The following GAP43 variants were observed in gnomAD, a reference collection of about 807,000 sequenced individuals.
GAP43 encodes the protein growth associated protein 43.
Under a neutral mutation model 18.6 loss-of-function variants are expected in GAP43, and 6 were observed. The observed-to-expected ratio is 0.32, with a 90% CI of 0.18 to 0.64. The LOEUF (loss-of-function observed/expected upper bound fraction) is 0.64. GAP43 is among the 30% of genes least tolerant of loss of function. The pLI, the probability that GAP43 is intolerant of heterozygous loss-of-function variation, is 0.78. For missense variants in GAP43, 292 were observed against 295.5 expected (o/e 0.99, Z 0.09); for synonymous variants, 115 against 111.4 (o/e 1.03, Z -0.20).
chr3:115,690,159 A>AT (rs1214849786), intron 2 of GAP43, among the ~76,000 whole-genome samples: 1 of 152,088 alleles, frequency 6.6e-6, no homozygotes, highest in African/African-American at 2.4e-5. Flanking sequence ...TGACAAATGG[A>AT]TTTTCTGTCT....
intron 2 of GAP43, among the ~76,000 whole-genome samples, chr3:115,702,564 T>C (rs1709309355): frequency 6.6e-6 from 1 of 152,186 alleles, no homozygotes; most frequent in Non-Finnish European, 1.5e-5. Context: ...GAGATGATTT[T>C]ACTTAATCTG....
chr3:115,701,279 C>T (rs1709294224), intron 2 of GAP43, among the ~76,000 whole-genome samples: 1 of 152,082 alleles, frequency 6.6e-6, no homozygotes, highest in South Asian at 2.1e-4. Flanking sequence ...GTTTGGTGTA[C>T]TGTCATATAT....
At position 115,667,199 on chromosome 3, in the gene GAP43, G is replaced by T. The variant is rs373079310; in HGVS notation, c.31-8814G>T. 3.7e-4 allele frequency among the ~76,000 whole-genome samples: 57 copies of T among 152,260 alleles called. No individual in the cohort carries two copies. The South Asian group carries it at 4.1e-3, about 11-fold the overall frequency. On this transcript the variant is annotated intron_variant, in intron 1 of 2. Transcript: ENST00000305124. ...AAGCTTAGAAGATTGTAAAAAAACAGATAAAGTTCTGTTCTCAGATTGTTT... is the reference window on the plus strand; with the variant it reads ...AAGCTTAGAAGATTGTAAAAAAACATATAAAGTTCTGTTCTCAGATTGTTT...
At chr3:115,643,831 T>C (rs1165638664) in intron 1 of GAP43, among the ~76,000 whole-genome samples, 2 of 152,092 alleles carry the variant, frequency 1.3e-5, no homozygotes, top group African/African-American at 4.8e-5. Flanking sequence ...GTTACTCTTT[T>C]GGTGACTTAT....
intron 2 of GAP43, among the ~76,000 whole-genome samples, chr3:115,706,064 T>A (rs987426130): frequency 6.6e-6 from 1 of 152,140 alleles, no homozygotes; most frequent in Non-Finnish European, 1.5e-5. Context: ...AACGAGAGTG[T>A]TTTGCATAAG....
intron 2 of GAP43, among the ~76,000 whole-genome samples, chr3:115,707,979 A>G (rs930549495): frequency 1.3e-5 from 2 of 149,586 alleles, no homozygotes. Flanking sequence ...TTCAAGATAT[A>G]TATATCGGGA....
At chr3:115,688,512 T>C (rs1009896128) in intron 2 of GAP43, among the ~76,000 whole-genome samples, 2 of 152,190 alleles carry the variant, frequency 1.3e-5, no homozygotes, top group Admixed American at 1.3e-4. Context: ...TTCTAGAAGG[T>C]TAAAGGCCGA....
chr3:115,662,051 C>G (rs570874835), intron 1 of GAP43, among the ~76,000 whole-genome samples: 1 of 152,052 alleles, frequency 6.6e-6, no homozygotes, highest in African/African-American at 2.4e-5. Flanking sequence ...TCGATTTTAG[C>G]TTACTGTGAT....
Position 115,720,952 on chromosome 3 carries a change from C to G in GAP43, c.*70C>G. 9.7e-7 allele frequency: 1 copy of G among 1,030,174 alleles called. No individual in the cohort carries two copies. The highest frequency in any genetic ancestry group is 1.5e-6 in the Non-Finnish European group (1 of 672,876). The allele number at this position is 1,030,174 out of a possible 1,614,324, so 63.8% of individuals were successfully genotyped here. On this transcript the variant is annotated 3_prime_UTR_variant, in exon 3 of 3. Coordinates refer to ENST00000305124, the MANE Select transcript of GAP43 (RefSeq NM_002045.4). Reference sequence around the variant, plus strand: ...AGCCTGTCTCTCCCTACCCTCTTCTCAGCTCCACTCTGAAGTCCCTTCCTG... The same window carrying G: ...AGCCTGTCTCTCCCTACCCTCTTCTGAGCTCCACTCTGAAGTCCCTTCCTG...
intron 2 of GAP43, among the ~76,000 whole-genome samples, chr3:115,710,795 T>G (rs1709427232): frequency 6.6e-6 from 1 of 152,302 alleles, no homozygotes; most frequent in East Asian, 1.9e-4. Context: ...AAAGTGAAAC[T>G]TAGGTTTTAT....
At chr3:115,659,846 A>G (rs80089297) in intron 1 of GAP43, among the ~76,000 whole-genome samples, 1 of 152,164 alleles carries the variant, frequency 6.6e-6, no homozygotes, top group African/African-American at 2.4e-5. Context: ...GTTGAAGCCA[A>G]CTGTGGTAGA....
chr3:115,655,283 G>T lies in GAP43; in HGVS notation c.31-20730G>T, dbSNP rs369256533. On this transcript the variant is annotated intron_variant, in intron 1 of 2. Transcript: ENST00000305124. ...AGGGTTCCTGAAACTAGAGTCAATG[G>T]TTCCTTATTTAAAAAGCCAATGTTA... Among the ~76,000 whole-genome samples the T allele has an allele frequency of 3.2e-3, 492 of 152,236 alleles. 2 individuals carry two copies. The highest frequency in any genetic ancestry group is 0.011 in the African/African-American group (467 of 41,556).
intron 2 of GAP43, among the ~76,000 whole-genome samples, chr3:115,706,923 A>G (rs1709371729): frequency 6.6e-6 from 1 of 152,176 alleles, no homozygotes; most frequent in Non-Finnish European, 1.5e-5. Flanking sequence ...GGCATTTTAA[A>G]ATGTTTATTG....
At chr3:115,654,639 G>A (rs536415210) in intron 1 of GAP43, among the ~76,000 whole-genome samples, 2 of 152,190 alleles carry the variant, frequency 1.3e-5, no homozygotes, top group Admixed American at 6.5e-5. Flanking sequence ...TTCTCCTCCA[G>A]CAAAAATTAC....
At chr3:115,649,163 G>C (rs1167728304) in intron 1 of GAP43, among the ~76,000 whole-genome samples, 1 of 152,114 alleles carries the variant, frequency 6.6e-6, no homozygotes, top group Non-Finnish European at 1.5e-5. Context: ...GGCACCAACA[G>C]GTTTGGTGTC....
chr3:115,655,260 G>A (rs550024177), intron 1 of GAP43, among the ~76,000 whole-genome samples: 2 of 152,102 alleles, frequency 1.3e-5, no homozygotes, highest in Non-Finnish European at 2.9e-5. Flanking sequence ...CAGGGATCAG[G>A]GTTCCTGAAA....
At chr3:115,713,171 T>A (rs1709463014) in intron 2 of GAP43, among the ~76,000 whole-genome samples, 1 of 152,086 alleles carries the variant, frequency 6.6e-6, no homozygotes, top group South Asian at 2.1e-4. Flanking sequence ...GCCAAAGATT[T>A]TTATTATTAT....
chr3:115,718,545 A>G (rs1261585235), intron 2 of GAP43, among the ~76,000 whole-genome samples: 1 of 152,206 alleles, frequency 6.6e-6, no homozygotes, highest in Non-Finnish European at 1.5e-5. Flanking sequence ...ACTGTGTTCA[A>G]CAGGTAATTA....
intron 2 of GAP43, among the ~76,000 whole-genome samples, chr3:115,708,308 G>GC (rs1369377425): frequency 6.6e-6 from 1 of 152,162 alleles, no homozygotes; most frequent in Admixed American, 6.5e-5. Context: ...ATGTAGTTGA[G>GC]CTGGGTCATA....
Sources: allele counts gnomAD v4.1 joint callset (sites outside exome capture counted in the v4.1 genomes callset), GRCh38; gene constraint gnomAD v4.1.1; transcripts MANE v1.5; gene names NCBI Gene and HGNC (gene_info 2026-07-23, HGNC 2026-07-21).